GRSF1: variants seen among roughly 807,000 people sequenced by gnomAD.
The protein encoded by GRSF1 is G-rich RNA sequence binding factor 1.
In GRSF1, 50 loss-of-function variants were observed where a neutral mutation model predicts 51.1. The ratio of observed to expected loss-of-function variants is 0.98; its 90% CI spans 0.78 to 1.24. The LOEUF (loss-of-function observed/expected upper bound fraction) is 1.24. Ranked by LOEUF, GRSF1 falls within the 50% of genes most tolerant of loss-of-function variation. The pLI, the probability that GRSF1 is intolerant of heterozygous loss-of-function variation, is 0.00. For missense variants in GRSF1, 700 were observed against 639.7 expected, an observed-to-expected ratio of 1.09 and a Z score of -1.02; for synonymous variants, 293 against 253.3, an observed-to-expected ratio of 1.16 and a Z score of -1.49.
At chr4:70,830,179 G>C (rs1194697824) in intron 5 of GRSF1, among the ~76,000 whole-genome samples, 1 of 152,112 alleles carries the variant, frequency 6.6e-6, no homozygotes, top group Non-Finnish European at 1.5e-5. Flanking sequence ...TGTAATCCTA[G>C]CGTTTTGGGA....
intron 9 of GRSF1, among the ~76,000 whole-genome samples, chr4:70,822,002 G>A (rs901856426): frequency 1.3e-5 from 2 of 151,808 alleles, no homozygotes; most frequent in Non-Finnish European, 2.9e-5. Context: ...AATCATTACA[G>A]GTAAGTGTCT....
At chr4:70,827,458 CT>C (rs931822499) in intron 6 of GRSF1, among the ~76,000 whole-genome samples, 2 of 151,986 alleles carry the variant, frequency 1.3e-5, no homozygotes, top group African/African-American at 4.8e-5. Flanking sequence ...ATAATTAAGC[CT>C]TTCTGCATAT....
chr4:70,840,816 G>A (rs185121176), upstream of GRSF1, among the ~76,000 whole-genome samples: 155 of 152,120 alleles, frequency 1.0e-3, 1 homozygote, highest in African/African-American at 3.4e-3. Context: ...GGGTAGGGCC[G>A]AGAGCTGTAG....
chr4:70,823,007 G>C (rs922979067), intron 9 of GRSF1, among the ~76,000 whole-genome samples: 3 of 152,218 alleles, frequency 2.0e-5, no homozygotes, highest in Admixed American at 6.6e-5. Context: ...TGAGGCAGGA[G>C]AATCACTTGA....
chr4:70,830,338 G>A (rs1299727297), intron 5 of GRSF1, among the ~76,000 whole-genome samples: 1 of 151,910 alleles, frequency 6.6e-6, no homozygotes, highest in African/African-American at 2.4e-5. Flanking sequence ...CTAGCTAGTT[G>A]GGAGGATGAG....
chr4:70,837,633 ATTTTC>A (rs961438072), intron 1 of GRSF1, among the ~76,000 whole-genome samples: 40 of 149,186 alleles, frequency 2.7e-4, no homozygotes, highest in South Asian at 8.6e-4. Context: ...ACTATCTGTC[ATTTTC>A]TTTTCTTTTC....
chr4:70,839,897 C>A, upstream of GRSF1: 2 of 1,385,382 alleles, frequency 1.4e-6, no homozygotes, highest in Non-Finnish European at 1.9e-6. Flanking sequence ...AAGTGGAATC[C>A]AGGGCCGGTT....
At position 70,819,306 on chromosome 4, in the gene GRSF1, A is replaced by G. The variant is rs1407031500; in HGVS notation, c.*1581T>C. 3.3e-5 allele frequency: 5 copies of G among 152,232 alleles called. No homozygotes were observed. Among genetic ancestry groups the G allele is most frequent in the African/African-American group, 1.2e-4 (5 of 41,468 alleles). 9.4% of individuals were successfully genotyped at this position (152,232 alleles called of 1,614,324 possible). On this transcript the variant is annotated 3_prime_UTR_variant, in exon 10 of 10. Coordinates refer to ENST00000254799, the MANE Select transcript of GRSF1 (RefSeq NM_002092.4). ...ACATTCTAATAGTTCGTACAACTAC[A>G]GATACCAGTTCTCATAGCTTGGCAT...
rs143510552 is a variant in GRSF1 at position 70,835,888 on chromosome 4, T to C, written c.514+270A>G. On this transcript the variant is annotated intron_variant, in intron 2 of 9. Transcript: ENST00000254799. ...CTTCCACCTTGGCCTCCCAAACTGC[T>C]GATTACAGGCCTGAGCCACTGCCCC... is the stretch of plus-strand genomic sequence containing the variant. Among the ~76,000 whole-genome samples, 960 of 152,236 alleles carry C rather than the reference T, an allele frequency of 6.3e-3. 4 individuals are homozygous for C. The highest frequency in any genetic ancestry group is 8.6e-3 in the Non-Finnish European group (585 of 68,000).
chr4:70,816,367 A>G lies in GRSF1; in HGVS notation c.*4520T>C, dbSNP rs2148830973. The G allele has an allele frequency of 6.9e-6, 1 of 145,706 alleles. No individual in the cohort carries two copies. Among genetic ancestry groups the G allele is most frequent in the African/African-American group, 2.5e-5 (1 of 40,372 alleles). The allele number at this position is 145,706 out of a possible 1,614,324, so 9.0% of individuals were successfully genotyped here. A position where few individuals can be genotyped will look rare whatever the true frequency, so the allele number is the denominator to read the frequency against. The stretch of plus-strand genomic sequence containing the variant: ...ATCTCAAAAAAAAAAAAAAAAAAAG[A>G]AAAAACCTCATCAAATGATACACTT... On this transcript the variant is annotated 3_prime_UTR_variant, in exon 10 of 10. Coordinates refer to ENST00000254799, the MANE Select transcript of GRSF1 (RefSeq NM_002092.4).
intron 9 of GRSF1, 142 bp downstream of exon 9, chr4:70,824,152 G>A (rs1383290147): frequency 1.5e-5 from 6 of 410,866 alleles, no homozygotes; most frequent in Non-Finnish European, 2.8e-5. Context: ...TGTATTTTTA[G>A]TAGAGACAGG....
At position 70,838,938 on chromosome 4, in the gene GRSF1, G is replaced by A. The variant is rs1415754889; in HGVS notation, c.357+533C>T. 2.3e-5 allele frequency: 8 copies of A among 353,278 alleles called. No individual in the cohort carries two copies. The East Asian group carries it at 4.7e-4, about 21-fold the overall frequency. 21.9% of individuals were successfully genotyped at this position (353,278 alleles called of 1,614,324 possible). A position where few individuals can be genotyped will look rare whatever the true frequency, so the allele number is the denominator to read the frequency against. The stretch of plus-strand genomic sequence containing the variant: ...GACAGCTCGTCTTTCCCTGGGGACA[G>A]GAGAGGGAACGGCGCGATGGGGACA... On this transcript the variant is annotated intron_variant, in intron 1 of 9. Transcript: ENST00000254799.
chr4:70,826,248 G>A lies in GRSF1; in HGVS notation c.1136-3C>T, dbSNP rs1733731966. On this transcript the variant is annotated splice_region_variant and splice_polypyrimidine_tract_variant and intron_variant, in intron 6 of 9. Transcript: ENST00000254799. Reference sequence around the variant, plus strand: ...TTCTGGCACCTCCTTAGGCAATTCTGAGAGGTGGAACAGAAAGCACTGTTA... The same window carrying A: ...TTCTGGCACCTCCTTAGGCAATTCTAAGAGGTGGAACAGAAAGCACTGTTA... 16 of 1,599,112 alleles carry A rather than the reference G, an allele frequency of 1.0e-5. No homozygotes were observed. Among genetic ancestry groups the A allele is most frequent in the Non-Finnish European group, 1.4e-5 (16 of 1,174,952 alleles).
chr4:70,834,847 T>A (rs1352995615), intron 2 of GRSF1, among the ~76,000 whole-genome samples: 2 of 151,916 alleles, frequency 1.3e-5, no homozygotes, highest in Non-Finnish European at 2.9e-5. Flanking sequence ...ATGGTCTCGA[T>A]CTCCTGACCT....
chr4:70,823,351 C>A (rs534916322), intron 9 of GRSF1, among the ~76,000 whole-genome samples: 1 of 151,778 alleles, frequency 6.6e-6, no homozygotes, highest in South Asian at 2.1e-4. Flanking sequence ...GAGTGGAGAT[C>A]GAGCCATTGC....
rs1310507663 is a variant in GRSF1 at position 70,818,348 on chromosome 4, T to G, written c.*2539A>C. 6.6e-6 allele frequency: 1 copy of G among 152,162 alleles called. No homozygotes were observed. The highest frequency in any genetic ancestry group is 1.5e-5 in the Non-Finnish European group (1 of 68,034). The allele number at this position is 152,162 out of a possible 1,614,324, so 9.4% of individuals were successfully genotyped here. A position where few individuals can be genotyped will look rare whatever the true frequency, so the allele number is the denominator to read the frequency against. On this transcript the variant is annotated 3_prime_UTR_variant, in exon 10 of 10. Transcript: ENST00000254799. ...AAAAAATAACTTTCCAAATGAGAACTGAGTAAGGGCTGTTCAGGGCAGAGG... is the reference window on the plus strand; with the variant it reads ...AAAAAATAACTTTCCAAATGAGAACGGAGTAAGGGCTGTTCAGGGCAGAGG...
chr4:70,837,756 C>T (rs1734275783), intron 1 of GRSF1, among the ~76,000 whole-genome samples: 1 of 150,814 alleles, frequency 6.6e-6, no homozygotes, highest in South Asian at 2.1e-4. Context: ...CTGCCTCAGC[C>T]TCCCGGGTAG....
intron 6 of GRSF1, among the ~76,000 whole-genome samples, chr4:70,826,549 A>G (rs76600755): frequency 6.6e-6 from 1 of 152,048 alleles, no homozygotes; most frequent in Non-Finnish European, 1.5e-5. Context: ...AAAAAAAAAA[A>G]AGAACAAAGG....
In GRSF1 at chr4:70,827,950, G is replaced by A. The variant is rs1186229644; in HGVS notation, c.1037C>T (p.Thr346Ile). 5 of 1,610,996 alleles carry A rather than the reference G, an allele frequency of 3.1e-6. No individual in the cohort carries two copies. The highest frequency in any genetic ancestry group is 1.3e-5 in the African/African-American group (1 of 74,880). The part of the protein sequence containing the change: ...YKGKKIASFP[T>I]AKYITEPEMV... ...TTCTGGCTCAGTTATATACTTAGCA[G>A]TAGGAAAAGATGCGATTTTCTTTCC... The change falls in exon 6 of 10, where the codon ACT becomes ATT. Residue 346 changes from threonine (T) to isoleucine (I), a missense_variant. Transcript: ENST00000254799.
Sources: allele counts gnomAD v4.1 joint callset (sites outside exome capture counted in the v4.1 genomes callset), GRCh38; gene constraint gnomAD v4.1.1; transcripts MANE v1.5; gene names NCBI Gene and HGNC (gene_info 2026-07-23, HGNC 2026-07-21).